Variants in PPFIA2 observed in about 807,000 individuals in gnomAD.
PPFIA2 encodes liprin-alpha-2.
PPFIA2 carries 46 observed loss-of-function variants against 175.5 expected under a neutral mutation model. That is an observed-to-expected ratio of 0.26 (90% CI 0.21 to 0.34). PPFIA2 has a LOEUF of 0.34. Among genes scored for constraint, PPFIA2 ranks in the 10% least tolerant of loss-of-function variants. The pLI, the probability that PPFIA2 is intolerant of heterozygous loss-of-function variation, is 1.00. For synonymous variants in PPFIA2, 568 were observed against 511.4 expected, an observed-to-expected ratio of 1.11 and a Z score of -1.49; for missense variants, 1,179 against 1,506.1, an observed-to-expected ratio of 0.78 and a Z score of 3.60.
intron 4 of PPFIA2, among the ~76,000 whole-genome samples, chr12:81,494,522 G>T (rs1289466460): frequency 6.6e-6 from 1 of 151,760 alleles, no homozygotes; most frequent in African/African-American, 2.4e-5. Flanking sequence ...CAACCATTGT[G>T]GAAGTCAGTG....
intron 4 of PPFIA2, among the ~76,000 whole-genome samples, chr12:81,508,573 T>C (rs1263359703): frequency 1.5e-5 from 2 of 136,076 alleles, no homozygotes; most frequent in Non-Finnish European, 3.2e-5. Flanking sequence ...GAATTATAAA[T>C]AGCAAGAGTT....
intron 4 of PPFIA2, among the ~76,000 whole-genome samples, chr12:81,602,925 A>C (rs985783344): frequency 2.0e-5 from 3 of 151,836 alleles, no homozygotes; most frequent in Non-Finnish European, 4.4e-5. Context: ...TTAAATAACT[A>C]TCAAACATCT....
chr12:81,740,246 T>C (rs2082163696), intron 3 of PPFIA2, among the ~76,000 whole-genome samples: 1 of 152,160 alleles, frequency 6.6e-6, no homozygotes, highest in African/African-American at 2.4e-5. Context: ...GTGTCACAAA[T>C]AAAACTCTGA....
chr12:81,741,252 G>A (rs920098691), intron 3 of PPFIA2, among the ~76,000 whole-genome samples: 7 of 152,100 alleles, frequency 4.6e-5, no homozygotes, highest in African/African-American at 1.4e-4. Flanking sequence ...CATACATAAT[G>A]ACACTCGTGT....
intron 21 of PPFIA2, among the ~76,000 whole-genome samples, chr12:81,326,345 A>AG (rs1566161602): frequency 6.6e-6 from 1 of 152,134 alleles, no homozygotes; most frequent in Non-Finnish European, 1.5e-5. Context: ...GAGAGAATGG[A>AG]GAAACATTTG....
chr12:81,330,237 G>A (rs963081648), intron 21 of PPFIA2, among the ~76,000 whole-genome samples: 1 of 152,182 alleles, frequency 6.6e-6, no homozygotes, highest in Non-Finnish European at 1.5e-5. Flanking sequence ...AACCTTGCAC[G>A]AAGGCCATTG....
intron 4 of PPFIA2, among the ~76,000 whole-genome samples, chr12:81,551,342 C>G (rs2067886121): frequency 6.6e-6 from 1 of 151,852 alleles, no homozygotes; most frequent in Non-Finnish European, 1.5e-5. Flanking sequence ...ATTATTTTAC[C>G]ATACTATCAT....
chr12:81,266,416 C>T (rs992999118), intron 30 of PPFIA2, among the ~76,000 whole-genome samples: 28 of 152,124 alleles, frequency 1.8e-4, no homozygotes, highest in African/African-American at 5.1e-4. Flanking sequence ...TATTATATAG[C>T]GATTCTTATA....
intron 24 of PPFIA2, chr12:81,294,565 C>A (rs2046015820): frequency 4.8e-6 from 2 of 413,080 alleles, no homozygotes; most frequent in Non-Finnish European, 4.4e-6. Flanking sequence ...AAAGAGTAAG[C>A]TCAGGGTCTT....
chr12:81,404,722 G>A (rs2042633827), intron 8 of PPFIA2, among the ~76,000 whole-genome samples: 1 of 152,096 alleles, frequency 6.6e-6, no homozygotes, highest in Non-Finnish European at 1.5e-5. Context: ...AAATTCATCT[G>A]ATTTACTTAC....
At chr12:81,272,207 C>T (rs1187126502) in intron 28 of PPFIA2, among the ~76,000 whole-genome samples, 1 of 151,612 alleles carries the variant, frequency 6.6e-6, no homozygotes, top group Non-Finnish European at 1.5e-5. Context: ...TTTTTATTTC[C>T]GCTTTTATTT....
At chr12:81,339,978 C>T (rs534338874) in intron 20 of PPFIA2, among the ~76,000 whole-genome samples, 1 of 152,116 alleles carries the variant, frequency 6.6e-6, no homozygotes, top group East Asian at 1.9e-4. Context: ...GGTTAAGTTT[C>T]AATTTATGGT....
Position 81,328,240 on chromosome 12 carries a change from T to C in PPFIA2, c.2549-2370A>G, listed in dbSNP as rs1049153059. Among the ~76,000 whole-genome samples the C allele has an allele frequency of 1.8e-4, 28 of 152,220 alleles. 1 individual carries two copies. The highest frequency in any genetic ancestry group is 2.6e-4 in the Non-Finnish European group (18 of 68,004). ...GATGATTATCTAAATCCAGTGAGAGTCTGTCTCATTCTTGTCTAGGCATCA... is the reference window on the plus strand; with the variant it reads ...GATGATTATCTAAATCCAGTGAGAGCCTGTCTCATTCTTGTCTAGGCATCA... On this transcript the variant is annotated intron_variant, in intron 21 of 32. Coordinates refer to ENST00000549396, the MANE Select transcript of PPFIA2 (RefSeq NM_003625.5).
intron 28 of PPFIA2, among the ~76,000 whole-genome samples, chr12:81,275,000 C>T (rs146106531): frequency 3.0e-4 from 45 of 152,168 alleles, no homozygotes; most frequent in African/African-American, 1.0e-3. Flanking sequence ...ATATGTGAAA[C>T]ATTTCACGTG....
intron 3 of PPFIA2, among the ~76,000 whole-genome samples, chr12:81,695,976 CTAATT>C (rs1432610184): frequency 6.6e-6 from 1 of 152,052 alleles, no homozygotes; most frequent in African/African-American, 2.4e-5. Context: ...AGCAAAAAGG[CTAATT>C]TAATATTAAC....
chr12:81,374,715 C>T lies in PPFIA2; in HGVS notation c.1185G>A (p.Lys395=). Residue 395 remains lysine (K), a synonymous_variant, in exon 11 of 33, where the codon AAG becomes AAA. Transcript: ENST00000549396. ...LQERLELAEQ[K]LQQTMRKAET... ...CAGCCTTTCTCATGGTCTGCTGCAA[C>T]TTTTGTTCAGCTAGCTCAAGACGTT... 6.2e-7 allele frequency: 1 copy of T among 1,613,234 alleles called. No individual in the cohort carries two copies. Among genetic ancestry groups the T allele is most frequent in the South Asian group, 1.1e-5 (1 of 91,048 alleles).
intron 29 of PPFIA2, 45 bp from the exon 30 acceptor site, chr12:81,267,065 A>C: frequency 7.2e-7 from 1 of 1,381,790 alleles, no homozygotes. Context: ...ATCACATTTT[A>C]TTTTAAAAAT....
intron 17 of PPFIA2, 110 bp downstream of exon 17, chr12:81,353,009 A>T: frequency 1.1e-6 from 1 of 895,138 alleles, no homozygotes; most frequent in Non-Finnish European, 1.7e-6. Flanking sequence ...GATTCTGCAG[A>T]TCTATTAAGC....
intron 22 of PPFIA2, among the ~76,000 whole-genome samples, chr12:81,322,263 A>G (rs1264766114): frequency 6.6e-6 from 1 of 152,170 alleles, no homozygotes. Context: ...AAAAAGAGTG[A>G]AATTTTCAGG....
Sources: allele counts gnomAD v4.1 joint callset (sites outside exome capture counted in the v4.1 genomes callset), GRCh38; gene constraint gnomAD v4.1.1; transcripts MANE v1.5; gene names NCBI Gene and HGNC (gene_info 2026-07-23, HGNC 2026-07-21).